SPG7: variants seen among roughly 807,000 people sequenced by gnomAD.
SPG7 encodes mitochondrial inner membrane m-AAA protease component paraplegin.
SPG7 carries 103 observed loss-of-function variants against 81.9 expected under a neutral mutation model. The observed-to-expected ratio is 1.26, with a 90% CI of 1.07 to 1.48. The LOEUF is 1.48. SPG7 is among the 40% of genes most tolerant of loss of function. The probability of loss-of-function intolerance (pLI) is 0.00; values close to 1 mark genes in which losing one functional copy is unlikely to be tolerated. For synonymous variants in SPG7, 534 were observed against 444.2 expected, an observed-to-expected ratio of 1.20 and a Z score of -2.54; for missense variants, 1,241 against 1,087.3, an observed-to-expected ratio of 1.14 and a Z score of -1.99.
chr16:89,545,317 T>C (rs1413856982), intron 10 of SPG7: 1 of 230,870 alleles, frequency 4.3e-6, no homozygotes, highest in African/African-American at 2.3e-5. Flanking sequence ...AGGGCCTTTG[T>C]TGCTGCCCTG....
chr16:89,526,791 G>A (rs1440869217), intron 5 of SPG7: 68 of 364,272 alleles, frequency 1.9e-4, no homozygotes, highest in Admixed American at 3.9e-5. Context: ...GTAAGATGCC[G>A]AAGTCTCAGC....
chr16:89,546,609 C>T (rs768686843), intron 10 of SPG7, 49 bp from the exon 11 acceptor site: 21 of 1,229,440 alleles, frequency 1.7e-5, no homozygotes, highest in Non-Finnish European at 6.0e-6. Context: ...GCACCTGTGG[C>T]AGTAACTAGG....
At chr16:89,544,983 C>A in intron 10 of SPG7, 1 of 626,694 alleles carries the variant, frequency 1.6e-6, no homozygotes, top group South Asian at 1.7e-5. Flanking sequence ...CCCACATTGG[C>A]TGCACGCCCC....
At chr16:89,537,504 A>C in intron 9 of SPG7, 3 of 996,052 alleles carry the variant, frequency 3.0e-6, no homozygotes, top group Admixed American at 5.6e-5. Flanking sequence ...CCACACACAG[A>C]AAAGGCTGCT....
At chr16:89,556,116 T>G (rs12919215) in intron 16 of SPG7, 66,026 of 398,722 alleles carry the variant, frequency 0.17, 6,226 homozygotes, top group Middle Eastern at 0.21. Context: ...AGGAGTGGTG[T>G]GTCTGCCCCG....
At chr16:89,510,347 G>A (rs1223209329) in intron 1 of SPG7, 143 bp from the exon 2 acceptor site, 2 of 660,252 alleles carry the variant, frequency 3.0e-6, no homozygotes, top group African/African-American at 1.8e-5. Context: ...CTATTGCTCA[G>A]ACTATTACTT....
intron 10 of SPG7, 104 bp downstream of exon 10, chr16:89,544,876 C>G (rs2058543590): frequency 2.5e-5 from 35 of 1,401,534 alleles, no homozygotes; most frequent in Non-Finnish European, 3.4e-5. Flanking sequence ...TGAAGCCTGT[C>G]ACAGCCCCAC....
Position 89,532,629 on chromosome 16 carries a change from A to C in SPG7, c.1317A>C (p.Glu439Asp). Residue 439 changes from glutamate (E) to aspartate (D), a missense_variant, in exon 9 of 17, where the codon GAA becomes GAC. By Grantham distance (45) the Glu-to-Asp change is conservative (BLOSUM62 2). Coordinates refer to ENST00000645818, the MANE Select transcript of SPG7 (RefSeq NM_003119.4). ...AGACGCTCAACCAGCTTCTGGTAGA[A>C]ATGGATGGTCAGTGCTCGTGCGCCC... ...EEQTLNQLLV[E>D]MDGMGTTDHV... 1 of 1,613,498 alleles carries C rather than the reference A, an allele frequency of 6.2e-7. No individual in the cohort carries two copies. The highest frequency in any genetic ancestry group is 8.5e-7 in the Non-Finnish European group (1 of 1,180,026).
At chr16:89,548,530 A>G (rs562380260) in intron 12 of SPG7, 637 of 306,052 alleles carry the variant, frequency 2.1e-3, no homozygotes, top group South Asian at 3.5e-3. Context: ...GTGGAGGGAC[A>G]GCCGTGCTTT....
intron 9 of SPG7, chr16:89,537,536 T>G (rs1055209639): frequency 7.1e-6 from 7 of 986,254 alleles, no homozygotes; most frequent in Non-Finnish European, 2.4e-6. Flanking sequence ...ATGCTTCGAC[T>G]TTTTTTTTCT....
At chr16:89,535,128 C>T (rs1178134245) in intron 9 of SPG7, among the ~76,000 whole-genome samples, 1 of 152,196 alleles carries the variant, frequency 6.6e-6, no homozygotes, top group Admixed American at 6.5e-5. Context: ...TCAGGTCGAG[C>T]AGTGCATTTG....
intron 3 of SPG7, chr16:89,522,087 T>C (rs896137809): frequency 3.9e-5 from 6 of 152,258 alleles, no homozygotes; most frequent in Non-Finnish European, 7.3e-5. Flanking sequence ...AACATAAATT[T>C]GCTCTCTGAA....
chr16:89,526,946 G>A (rs906401416), intron 5 of SPG7: 8 of 228,858 alleles, frequency 3.5e-5, no homozygotes, highest in African/African-American at 1.4e-4. Flanking sequence ...CTCAGCCCCC[G>A]ACGTAGGATG....
At chr16:89,526,562 T>C in intron 5 of SPG7, 94 bp downstream of exon 5, 1 of 1,432,064 alleles carries the variant, frequency 7.0e-7, no homozygotes. Context: ...AAACTGTCTT[T>C]GCCTATAGTT....
intron 7 of SPG7, 137 bp from the exon 8 acceptor site, chr16:89,531,767 C>T (rs1446047422): frequency 8.4e-6 from 7 of 836,768 alleles, no homozygotes; most frequent in Admixed American, 2.0e-5. Flanking sequence ...GGCTTGAACC[C>T]AGGAGTTTGA....
Position 89,529,422 on chromosome 16 carries a change from G to A in SPG7, c.759-55G>A, listed in dbSNP as rs546289573. 3.6e-4 allele frequency: 420 copies of A among 1,182,690 alleles called. 6 individuals are homozygous for A. The South Asian group carries it at 5.2e-3, about 15-fold the overall frequency. 73.3% of individuals were successfully genotyped at this position (1,182,690 alleles called of 1,614,324 possible). On this transcript the variant is annotated intron_variant, in intron 5 of 16. Coordinates refer to ENST00000645818, the MANE Select transcript of SPG7 (RefSeq NM_003119.4). The stretch of plus-strand genomic sequence containing the variant: ...AGCAGTGGTTCTGATTTGGAAGCCT[G>A]CGTCTGTCACGTGACACCGTCTGAG...
At chr16:89,516,434 C>G (rs1419674220) in intron 3 of SPG7, among the ~76,000 whole-genome samples, 1 of 151,904 alleles carries the variant, frequency 6.6e-6, no homozygotes, top group Non-Finnish European at 1.5e-5. Context: ...GCTTGTAATC[C>G]CAGCTACTCC....
chr16:89,546,753 A>G lies in SPG7; in HGVS notation c.1545A>G (p.Gly515=), dbSNP rs754684283. ...AGCGTCTGGCAGAGCTGACACCAGG[A>G]TTCAGTGGTACGTTCTCAACCCGCA... ...YSQRLAELTP[G]FSGADIANIC... The change falls in exon 11 of 17, where the codon GGA becomes GGG. Residue 515 remains glycine, a synonymous_variant. Coordinates refer to ENST00000645818, the MANE Select transcript of SPG7 (RefSeq NM_003119.4). 1 of 1,608,882 alleles carries G rather than the reference A, an allele frequency of 6.2e-7. No individual in the cohort carries two copies. Among genetic ancestry groups the G allele is most frequent in the South Asian group, 1.1e-5 (1 of 90,968 alleles).
At position 89,532,560 on chromosome 16, in the gene SPG7, G is replaced by A. The variant is rs769916719; in HGVS notation, c.1248G>A (p.Lys416=). Residue 416 remains lysine (K), a synonymous_variant, in exon 9 of 17, where the codon AAG becomes AAA. Coordinates refer to ENST00000645818, the MANE Select transcript of SPG7 (RefSeq NM_003119.4). Reference sequence around the variant, plus strand: ...ATGAGATCGACGCGGTGGGCAAGAAGCGCTCCACCACCATGTCCGGCTTCT... The same window carrying A: ...ATGAGATCGACGCGGTGGGCAAGAAACGCTCCACCACCATGTCCGGCTTCT... ...YIDEIDAVGK[K]RSTTMSGFSN... is the part of the protein sequence containing the mutation. 2.3e-5 allele frequency: 37 copies of A among 1,613,762 alleles called. No individual in the cohort carries two copies. The South Asian group carries it at 3.8e-4, about 17-fold the overall frequency.
Sources: allele counts gnomAD v4.1 joint callset (sites outside exome capture counted in the v4.1 genomes callset), GRCh38; gene constraint gnomAD v4.1.1; transcripts MANE v1.5; gene names NCBI Gene and HGNC (gene_info 2026-07-23, HGNC 2026-07-21).